TBC1D31: variants seen among roughly 807,000 people sequenced by gnomAD.
The protein encoded by TBC1D31 is WD repeat domain 67.
Under a neutral mutation model 132.9 loss-of-function variants are expected in TBC1D31, and 99 were observed. The ratio of observed to expected loss-of-function variants is 0.74; its 90% CI spans 0.63 to 0.88. TBC1D31 has a LOEUF of 0.88. Ranked by LOEUF, TBC1D31 falls within the 40% of genes least tolerant of loss-of-function variation. The probability of loss-of-function intolerance (pLI) is 0.00; values close to 1 mark genes in which losing one functional copy is unlikely to be tolerated. For missense variants in TBC1D31, 1,134 were observed against 1,256.6 expected (o/e 0.90, Z 1.48); for synonymous variants, 385 against 419.4 (o/e 0.92, Z 1.00).
intron 11 of TBC1D31, chr8:123,123,343 TA>T (rs2130739148): frequency 5.7e-6 from 1 of 176,174 alleles, no homozygotes. Context: ...ACACCCCTCC[TA>T]AAGGGGAAAC....
At chr8:123,148,701 A>G (rs1313445132) in intron 20 of TBC1D31, among the ~76,000 whole-genome samples, 1 of 152,096 alleles carries the variant, frequency 6.6e-6, no homozygotes, top group Non-Finnish European at 1.5e-5. Flanking sequence ...ACCTTATTCC[A>G]TTTGCTACAA....
intron 10 of TBC1D31, among the ~76,000 whole-genome samples, chr8:123,113,655 T>C (rs1265269999): frequency 6.6e-6 from 1 of 152,256 alleles, no homozygotes; most frequent in Non-Finnish European, 1.5e-5. Flanking sequence ...ATATGCCTAC[T>C]AGTACATTTA....
At chr8:123,094,506 A>G (rs1816659803) in intron 5 of TBC1D31, among the ~76,000 whole-genome samples, 1 of 145,376 alleles carries the variant, frequency 6.9e-6, no homozygotes, top group Admixed American at 7.1e-5. Context: ...GTATTATCAC[A>G]CTTTATTTAT....
chr8:123,151,260 T>C (rs949714602), intron 21 of TBC1D31, among the ~76,000 whole-genome samples: 5 of 152,242 alleles, frequency 3.3e-5, no homozygotes, highest in African/African-American at 1.2e-4. Flanking sequence ...AGAAGTATAT[T>C]TTTAAGGGCT....
chr8:123,150,172 T>C, intron 21 of TBC1D31, 44 bp downstream of exon 21: 1 of 1,510,374 alleles, frequency 6.6e-7, no homozygotes, highest in South Asian at 1.1e-5. Flanking sequence ...ATTTTAAATT[T>C]CACAATATTT....
Position 123,105,408 on chromosome 8 carries a change from A to C in TBC1D31, c.1153A>C (p.Lys385Gln), listed in dbSNP as rs770333419. The C allele has an allele frequency of 6.2e-7, 1 of 1,613,180 alleles. No individual in the cohort carries two copies. Among genetic ancestry groups the C allele is most frequent in the African/African-American group, 1.3e-5 (1 of 74,928 alleles). Residue 385 changes from lysine (K) to glutamine (Q), a missense_variant, in exon 8 of 22, where the codon AAA becomes CAA. Coordinates refer to ENST00000287380, the MANE Select transcript of TBC1D31 (RefSeq NM_145647.4). ...GCAGCCAGCAAAATCTAGGGAAAGC[A>C]AAATGCAAACTAGAATATTAAAACA... Reference protein sequence around the residue: ...VQQPAKSRESKMQTRILKQDL... With the variant: ...VQQPAKSRESQMQTRILKQDL...
the TBC1D31 span, among the ~76,000 whole-genome samples, chr8:123,162,700 T>G: frequency 6.6e-6 from 1 of 152,240 alleles, no homozygotes; most frequent in Non-Finnish European, 1.5e-5. Flanking sequence ...TATTTTCAAT[T>G]GCACGAATAA....
In TBC1D31 at chr8:123,120,215, G is replaced by A. The variant is rs780200447; in HGVS notation, c.1570+27G>A. The A allele has an allele frequency of 3.9e-6, 6 of 1,548,894 alleles. No homozygotes were observed. The South Asian group carries it at 7.1e-5, about 18-fold the overall frequency. On this transcript the variant is annotated intron_variant, in intron 11 of 21. Coordinates refer to ENST00000287380, the MANE Select transcript of TBC1D31 (RefSeq NM_145647.4). ...TAAGTAAATACTTGTTAAAGTATAA[G>A]ATCAAGAATGGATTCTTATACATTT...
chr8:123,083,130 C>T, intron 3 of TBC1D31: 1 of 192,522 alleles, frequency 5.2e-6, no homozygotes. Context: ...GGAAGAGAAA[C>T]ATGGGGTGGA....
chr8:123,163,292 T>C, the TBC1D31 span, among the ~76,000 whole-genome samples: 1 of 151,814 alleles, frequency 6.6e-6, no homozygotes, highest in Non-Finnish European at 1.5e-5. Flanking sequence ...AGTGTACAAG[T>C]AAATGAGTTT....
intron 14 of TBC1D31, among the ~76,000 whole-genome samples, chr8:123,128,833 G>A (rs1053538698): frequency 3.3e-5 from 5 of 151,756 alleles, no homozygotes; most frequent in African/African-American, 1.2e-4. Flanking sequence ...CGGAGATCAT[G>A]CCATTGCACT....
the TBC1D31 span, among the ~76,000 whole-genome samples, chr8:123,161,602 C>T: frequency 6.6e-6 from 1 of 152,286 alleles, no homozygotes; most frequent in East Asian, 1.9e-4. Flanking sequence ...GGCATCTCCT[C>T]TCATAATGTT....
At chr8:123,122,609 AGTATAACCCTGAATGGGATCATT>A (rs1819604278) in intron 11 of TBC1D31, among the ~76,000 whole-genome samples, 1 of 152,208 alleles carries the variant, frequency 6.6e-6, no homozygotes, top group South Asian at 2.1e-4. Context: ...GGGAATAGAT[AGTATAACCCTGAATGGGATCATT>A]GTATAACCCT....
intron 2 of TBC1D31, among the ~76,000 whole-genome samples, chr8:123,078,185 C>T (rs545761745): frequency 1.3e-5 from 2 of 152,274 alleles, no homozygotes; most frequent in East Asian, 3.9e-4. Flanking sequence ...AGGACAGCTG[C>T]AGCAGCCTAG....
intron 16 of TBC1D31, among the ~76,000 whole-genome samples, chr8:123,132,770 C>G (rs1241899633): frequency 6.6e-6 from 1 of 152,026 alleles, no homozygotes; most frequent in Non-Finnish European, 1.5e-5. Context: ...CATGATACTT[C>G]TTGTTTTGTT....
At chr8:123,120,983 A>C (rs1819424069) in intron 11 of TBC1D31, among the ~76,000 whole-genome samples, 1 of 136,118 alleles carries the variant, frequency 7.3e-6, no homozygotes, top group African/African-American at 2.8e-5. Flanking sequence ...TTTTTTTGAG[A>C]CGGGAGTCTC....
intron 10 of TBC1D31, among the ~76,000 whole-genome samples, chr8:123,111,050 A>G (rs933812246): frequency 6.6e-6 from 1 of 151,912 alleles, no homozygotes; most frequent in Non-Finnish European, 1.5e-5. Flanking sequence ...TGAATTTACT[A>G]TAAACTGGCA....
At chr8:123,096,813 A>G (rs1586602198) in intron 5 of TBC1D31, among the ~76,000 whole-genome samples, 1 of 152,214 alleles carries the variant, frequency 6.6e-6, no homozygotes. Flanking sequence ...TATCTTATTA[A>G]GGTAGCTTTC....
chr8:123,146,104 A>T (rs1358120875), intron 20 of TBC1D31, among the ~76,000 whole-genome samples: 1 of 152,122 alleles, frequency 6.6e-6, no homozygotes, highest in Non-Finnish European at 1.5e-5. Flanking sequence ...TCCTCACCTC[A>T]GGTGATCCAC....
Sources: gnomAD v4.1 joint callset for allele counts (sites outside exome capture counted in the v4.1 genomes callset) on GRCh38, gnomAD v4.1.1 for gene constraint, MANE v1.5 for transcripts, NCBI Gene and HGNC (gene_info 2026-07-23, HGNC 2026-07-21) for gene names.